SGCD: variants seen among roughly 807,000 people sequenced by gnomAD.
The protein encoded by SGCD is sarcoglycan delta.
SGCD carries 18 observed loss-of-function variants against 36.6 expected under a neutral mutation model. The ratio of observed to expected loss-of-function variants is 0.49; its 90% confidence interval spans 0.34 to 0.73. The LOEUF (loss-of-function observed/expected upper bound fraction) is 0.73, where lower values mean the gene tolerates loss of function less well. Ranked by LOEUF, SGCD falls within the 30% of genes least tolerant of loss-of-function variation. The pLI is 0.01. For synonymous variants in SGCD, 133 were observed against 130.6 expected, an observed-to-expected ratio of 1.02 and a Z score of -0.12; for missense variants, 387 against 346.7, an observed-to-expected ratio of 1.12 and a Z score of -0.92.
chr5:155,811,967 G>A, the SGCD span, among the ~76,000 whole-genome samples: 1 of 152,196 alleles, frequency 6.6e-6, no homozygotes, highest in African/African-American at 2.4e-5. Flanking sequence ...TATAGTGTGT[G>A]TGTCAGTAAT....
intron 3 of SGCD, among the ~76,000 whole-genome samples, chr5:156,487,807 A>AG (rs1755749199): frequency 4.1e-5 from 2 of 49,342 alleles, no homozygotes; most frequent in Non-Finnish European, 1.0e-4. Flanking sequence ...AAAAAAAAAA[A>AG]AAAAAAAAAG....
intron 3 of SGCD, among the ~76,000 whole-genome samples, chr5:156,191,091 G>A (rs181964777): frequency 6.6e-6 from 1 of 152,218 alleles, no homozygotes; most frequent in East Asian, 1.9e-4. Context: ...TTATTCCAGT[G>A]TAATAGATGG....
intron 3 of SGCD, among the ~76,000 whole-genome samples, chr5:156,461,667 G>C (rs1180275348): frequency 6.6e-6 from 1 of 151,760 alleles, no homozygotes; most frequent in Non-Finnish European, 1.5e-5. Context: ...CTCTACTCTG[G>C]AGTTAATGTT....
chr5:156,412,874 C>T (rs1232959134), intron 3 of SGCD, among the ~76,000 whole-genome samples: 1 of 148,916 alleles, frequency 6.7e-6, no homozygotes, highest in African/African-American at 2.5e-5. Context: ...CGGCTCACTG[C>T]AAGCTCTGCT....
At chr5:155,769,079 T>C in the SGCD span, among the ~76,000 whole-genome samples, 1 of 152,164 alleles carries the variant, frequency 6.6e-6, no homozygotes, top group African/African-American at 2.4e-5. Context: ...AAACTGTCCA[T>C]TAAAAAGATG....
chr5:156,513,969 C>G (rs1483324967), intron 4 of SGCD, among the ~76,000 whole-genome samples: 2 of 152,136 alleles, frequency 1.3e-5, no homozygotes, highest in Non-Finnish European at 2.9e-5. Flanking sequence ...CTTAGAAATA[C>G]CACTTGAATG....
chr5:156,528,382 C>A (rs1207538959), intron 4 of SGCD, among the ~76,000 whole-genome samples: 2 of 152,098 alleles, frequency 1.3e-5, no homozygotes, highest in African/African-American at 4.8e-5. Context: ...ATATTATTAG[C>A]ATTTATTAAT....
chr5:156,753,228 G>T (rs1757214137), intron 7 of SGCD, among the ~76,000 whole-genome samples: 1 of 152,150 alleles, frequency 6.6e-6, no homozygotes, highest in South Asian at 2.1e-4. Context: ...GCACAGCCTG[G>T]CCCGGCCCAG....
At chr5:156,354,341 T>G (rs1383572759) in intron 3 of SGCD, among the ~76,000 whole-genome samples, 1 of 151,974 alleles carries the variant, frequency 6.6e-6, no homozygotes, top group African/African-American at 2.4e-5. Context: ...GGCATAATGG[T>G]TCTAGTATTG....
At chr5:156,709,574 T>A (rs1754893240) in intron 7 of SGCD, among the ~76,000 whole-genome samples, 1 of 152,152 alleles carries the variant, frequency 6.6e-6, no homozygotes, top group Non-Finnish European at 1.5e-5. Context: ...CAGAGTGATA[T>A]GAAAAGGATT....
At chr5:156,342,610 G>C (rs1768723282) in intron 2 of SGCD, among the ~76,000 whole-genome samples, 1 of 152,036 alleles carries the variant, frequency 6.6e-6, no homozygotes, top group Non-Finnish European at 1.5e-5. Context: ...TGATGACTTT[G>C]TTGTGTTCCC....
chr5:156,686,589 C>G (rs532264294), intron 7 of SGCD, among the ~76,000 whole-genome samples: 1 of 152,296 alleles, frequency 6.6e-6, no homozygotes, highest in African/African-American at 2.4e-5. Context: ...GAACACAGAA[C>G]AGCCATAGTA....
chr5:156,319,162 C>G (rs1767596396), intron 3 of SGCD, among the ~76,000 whole-genome samples: 1 of 152,152 alleles, frequency 6.6e-6, no homozygotes, highest in Non-Finnish European at 1.5e-5. Context: ...GCCAGACTGG[C>G]CCAGTCTGTT....
In SGCD at chr5:156,764,317, G is replaced by A. The variant is rs1422847201; in HGVS notation, c.*4927G>A. The A allele has an allele frequency of 6.6e-6, 1 of 152,532 alleles. No homozygotes were observed. Among genetic ancestry groups the A allele is most frequent in the African/African-American group, 2.4e-5 (1 of 41,414 alleles). The allele number at this position is 152,532 out of a possible 1,614,324, so 9.4% of individuals were successfully genotyped here. A position where few individuals can be genotyped will look rare whatever the true frequency, so the allele number is the denominator to read the frequency against. On this transcript the variant is annotated 3_prime_UTR_variant, in exon 9 of 9. Transcript: ENST00000337851. ...GGATGTCAGATGCCTCTCTTTCTTT[G>A]TGGTAATCGGAATTTAAAATTATAC...
At chr5:156,393,727 G>A (rs1004496882) in intron 3 of SGCD, 9 of 456,106 alleles carry the variant, frequency 2.0e-5, no homozygotes, top group African/African-American at 8.0e-5. Flanking sequence ...ACAAAGTGCT[G>A]TCTTACTGCA....
intron 7 of SGCD, among the ~76,000 whole-genome samples, chr5:156,656,560 T>A (rs1763689937): frequency 6.6e-6 from 1 of 152,166 alleles, no homozygotes; most frequent in Admixed American, 6.6e-5. Flanking sequence ...CCTCAAAATG[T>A]TACTGGGTAT....
intron 1 of SGCD, among the ~76,000 whole-genome samples, chr5:156,000,564 T>C (rs1051653312): frequency 5.3e-5 from 8 of 152,088 alleles, no homozygotes; most frequent in African/African-American, 9.7e-5. Flanking sequence ...AATATCCCCA[T>C]TGATGTCAAT....
chr5:156,044,092 A>T (rs1207999636), intron 1 of SGCD, among the ~76,000 whole-genome samples: 3 of 152,148 alleles, frequency 2.0e-5, no homozygotes. Context: ...GAGGCAGGGG[A>T]TGTTTGCTCT....
At chr5:156,546,874 G>A (rs941521744) in intron 4 of SGCD, among the ~76,000 whole-genome samples, 8 of 152,282 alleles carry the variant, frequency 5.3e-5, no homozygotes, top group Non-Finnish European at 1.2e-4. Flanking sequence ...GGAGCTTAGA[G>A]GTAAAATCAG....
Sources: allele counts gnomAD v4.1 joint callset (sites outside exome capture counted in the v4.1 genomes callset), GRCh38; gene constraint gnomAD v4.1.1; transcripts MANE v1.5; gene names NCBI Gene and HGNC (gene_info 2026-07-23, HGNC 2026-07-21).